The following RPGRIP1L variants were observed in gnomAD, a reference collection of about 807,000 sequenced individuals.
RPGRIP1L encodes protein fantom.
Under a neutral mutation model 160.4 loss-of-function variants are expected in RPGRIP1L, and 131 were observed. That is an observed-to-expected ratio of 0.82 (90% CI 0.71 to 0.94). RPGRIP1L has a LOEUF of 0.94. Among genes scored for constraint, RPGRIP1L ranks in the 40% least tolerant of loss-of-function variants. The pLI, the probability that RPGRIP1L is intolerant of heterozygous loss-of-function variation, is 0.00. For synonymous variants in RPGRIP1L, 510 were observed against 515.8 expected (o/e 0.99, Z 0.15); for missense variants, 1,522 against 1,535.8 (o/e 0.99, Z 0.15).
rs1053335070 is a variant in RPGRIP1L at position 53,598,241 on chromosome 16, G to C, written c.*3835C>G. 2.0e-5 allele frequency: 3 copies of C among 152,064 alleles called. No individual in the cohort carries two copies. Among genetic ancestry groups the C allele is most frequent in the Non-Finnish European group, 4.4e-5 (3 of 68,000 alleles). The allele number at this position is 152,064 out of a possible 1,614,324, so 9.4% of individuals were successfully genotyped here. On this transcript the variant is annotated 3_prime_UTR_variant, in exon 27 of 27. Transcript: ENST00000647211. The stretch of plus-strand genomic sequence containing the variant: ...TAATGCTGTTCTAGGGATGAAAAAG[G>C]TGACTCTCAATAGAGTGAGAAGAGG...
intron 2 of RPGRIP1L, among the ~76,000 whole-genome samples, chr16:53,699,521 G>T (rs189447687): frequency 3.6e-4 from 54 of 151,676 alleles, no homozygotes; most frequent in Admixed American, 3.2e-3. Flanking sequence ...CTGAGCACAA[G>T]AATTGAACTT....
chr16:53,688,082 T>TCTTTTTTGTGGTAATTTGAGAACTTTGG, intron 4 of RPGRIP1L, 117 bp from the exon 5 acceptor site: 1 of 684,924 alleles, frequency 1.5e-6, no homozygotes, highest in South Asian at 1.7e-5. Flanking sequence ...AGGTATGTGT[T>TCTTTTTTGTGGTAATTTGAGAACTTTGG]TTATAGTACA....
chr16:53,682,905 C>T (rs1438460882), intron 6 of RPGRIP1L, among the ~76,000 whole-genome samples: 1 of 152,068 alleles, frequency 6.6e-6, no homozygotes, highest in South Asian at 2.1e-4. Context: ...AAATATGATT[C>T]TCAAAAATAT....
At position 53,641,024 on chromosome 16, in the gene RPGRIP1L, A is replaced by T. The variant is rs920679699; in HGVS notation, c.2958+9T>A. ...GAAAAAATCAGTATTTTCAGTGTCTACTACTTACATCACTCTGATGTGGCA... is the reference window on the plus strand; with the variant it reads ...GAAAAAATCAGTATTTTCAGTGTCTTCTACTTACATCACTCTGATGTGGCA... On this transcript the variant is annotated intron_variant, in intron 19 of 26. Transcript: ENST00000647211. 5 of 1,579,628 alleles carry T rather than the reference A, an allele frequency of 3.2e-6. No individual in the cohort carries two copies. The Admixed American group carries it at 6.7e-5, about 21-fold the overall frequency.
In RPGRIP1L at chr16:53,689,991, C is replaced by T. The variant is rs192098682; in HGVS notation, c.530-2026G>A. ...AGAAACTTCCAGCAAACTCTCCTGT[C>T]TGAACAGCAATTTATAGCACTAGAT... On this transcript the variant is annotated intron_variant, in intron 4 of 26. Coordinates refer to ENST00000647211, the MANE Select transcript of RPGRIP1L (RefSeq NM_015272.5). Among the ~76,000 whole-genome samples the T allele has an allele frequency of 1.1e-4, 17 of 152,248 alleles. 1 individual carries two copies. The highest frequency in any genetic ancestry group is 3.9e-4 in the African/African-American group (16 of 41,550).
At chr16:53,657,237 T>C (rs552841618) in intron 13 of RPGRIP1L, among the ~76,000 whole-genome samples, 2 of 151,382 alleles carry the variant, frequency 1.3e-5, no homozygotes, top group East Asian at 1.9e-4. Flanking sequence ...CAAAACTCTG[T>C]CTCAAAAAAA....
intron 16 of RPGRIP1L, among the ~76,000 whole-genome samples, chr16:53,648,103 C>CAAAAAA (rs781122239): frequency 7.7e-5 from 3 of 39,114 alleles, no homozygotes; most frequent in Non-Finnish European, 1.6e-4. Flanking sequence ...GACTCCGTCT[C>CAAAAAA]AAAAAAAAAA....
chr16:53,615,955 A>G (rs1476577833), intron 24 of RPGRIP1L, among the ~76,000 whole-genome samples: 1 of 152,160 alleles, frequency 6.6e-6, no homozygotes, highest in Non-Finnish European at 1.5e-5. Flanking sequence ...CTTAATAAAG[A>G]CTGAATTCAA....
intron 16 of RPGRIP1L, 50 bp downstream of exon 16, chr16:53,648,914 A>G: frequency 2.0e-6 from 3 of 1,499,800 alleles, no homozygotes; most frequent in South Asian, 1.1e-5. Context: ...ATAAATAAAT[A>G]TTATAAAATT....
intron 17 of RPGRIP1L, among the ~76,000 whole-genome samples, chr16:53,642,323 A>T (rs755777653): frequency 6.6e-6 from 1 of 152,126 alleles, no homozygotes; most frequent in Non-Finnish European, 1.5e-5. Flanking sequence ...CCTCCGGAGT[A>T]GCTGGGACTA....
chr16:53,686,949 C>CAG (rs1213294788), intron 5 of RPGRIP1L, among the ~76,000 whole-genome samples: 2 of 152,076 alleles, frequency 1.3e-5, no homozygotes, highest in East Asian at 3.9e-4. Context: ...ATTAACACTT[C>CAG]AGAGAGAGAG....
In RPGRIP1L at chr16:53,656,962, C is replaced by T. The variant is rs549251270; in HGVS notation, c.1582-373G>A. ...GGGACTTTAAAAACATTATTTGTGG[C>T]AGGGCATGGTGGCTCAGGCCTGTAA... On this transcript the variant is annotated intron_variant, in intron 13 of 26. Transcript: ENST00000647211. Among the ~76,000 whole-genome samples the T allele has an allele frequency of 2.0e-5, 3 of 152,306 alleles. No individual in the cohort carries two copies. The East Asian group carries it at 5.8e-4, about 29-fold the overall frequency.
chr16:53,670,821 G>A (rs182394066), intron 9 of RPGRIP1L, among the ~76,000 whole-genome samples: 30 of 152,252 alleles, frequency 2.0e-4, no homozygotes, highest in Admixed American at 1.1e-3. Context: ...TGGGCTGGGC[G>A]CAGTGGCTCA....
At chr16:53,681,664 C>T (rs1019132088) in intron 6 of RPGRIP1L, among the ~76,000 whole-genome samples, 13 of 152,172 alleles carry the variant, frequency 8.5e-5, no homozygotes, top group African/African-American at 3.1e-4. Flanking sequence ...AAGAGCAGCA[C>T]TGGGCTTTGA....
chr16:53,622,945 G>A (rs1349775410), intron 22 of RPGRIP1L, among the ~76,000 whole-genome samples: 1 of 152,018 alleles, frequency 6.6e-6, no homozygotes, highest in African/African-American at 2.4e-5. Context: ...GCTGTAGGGA[G>A]CCATGATCTT....
chr16:53,628,234 A>G (rs550282818), intron 22 of RPGRIP1L: 2 of 152,330 alleles, frequency 1.3e-5, no homozygotes, highest in South Asian at 4.1e-4. Context: ...AAATGGAAAT[A>G]GAAGGCCAAG....
chr16:53,632,974 CTA>C lies in RPGRIP1L; in HGVS notation c.3294+3463_3294+3464del. Among the ~76,000 whole-genome samples the C allele has an allele frequency of 3.9e-5, 6 of 152,268 alleles. 2 individuals carry two copies. In the Middle Eastern group the frequency reaches 0.02, roughly 518 times the overall value. On this transcript the variant is annotated intron_variant, in intron 22 of 26. Coordinates refer to ENST00000647211, the MANE Select transcript of RPGRIP1L (RefSeq NM_015272.5). ...ATTTTAATTGTGTTTCCCCTACAGACTATGAATTCTTTGAGGGAAAGAACTGC... is the reference window on the plus strand; with the variant it reads ...ATTTTAATTGTGTTTCCCCTACAGACTGAATTCTTTGAGGGAAAGAACTGC...
At chr16:53,661,778 A>G (rs1967818235) in intron 10 of RPGRIP1L, among the ~76,000 whole-genome samples, 1 of 152,158 alleles carries the variant, frequency 6.6e-6, no homozygotes. Context: ...AGCCTTTCCT[A>G]ACTGTTGTTT....
chr16:53,662,844 T>C (rs933429945), intron 10 of RPGRIP1L, among the ~76,000 whole-genome samples: 3 of 152,020 alleles, frequency 2.0e-5, no homozygotes, highest in African/African-American at 7.2e-5. Context: ...ATCGGATAAA[T>C]GTGTAAAAAT....
Sources: allele counts gnomAD v4.1 joint callset (sites outside exome capture counted in the v4.1 genomes callset), GRCh38; gene constraint gnomAD v4.1.1; transcripts MANE v1.5; gene names NCBI Gene and HGNC (gene_info 2026-07-23, HGNC 2026-07-21).